The following CADPS2 variants were observed in gnomAD, a reference collection of about 807,000 sequenced individuals.
CADPS2 encodes calcium dependent secretion activator 2.
Under a neutral mutation model 172.5 loss-of-function variants are expected in CADPS2, and 93 were observed. The observed-to-expected ratio is 0.54, with a 90% CI of 0.46 to 0.64. CADPS2 has a LOEUF of 0.64. Among genes scored for constraint, CADPS2 ranks in the 30% least tolerant of loss-of-function variants. CADPS2 has a pLI of 0.00. For synonymous variants in CADPS2, 546 were observed against 555.2 expected (o/e 0.98, Z 0.23); for missense variants, 1,420 against 1,565.9 (o/e 0.91, Z 1.57).
intron 24 of CADPS2, among the ~76,000 whole-genome samples, 166 bp downstream of exon 24, chr7:122,386,860 C>T (rs2043753165): frequency 6.6e-6 from 1 of 152,042 alleles, no homozygotes; most frequent in South Asian, 2.1e-4. Context: ...GAGAAACTGA[C>T]ATGAGCAAAG....
intron 9 of CADPS2, among the ~76,000 whole-genome samples, chr7:122,498,869 T>C (rs1274824740): frequency 1.3e-5 from 2 of 152,194 alleles, no homozygotes; most frequent in African/African-American, 2.4e-5. Context: ...GTGGTGTAAA[T>C]GATCAATTTA....
chr7:122,544,615 G>C (rs1298976566), intron 8 of CADPS2, among the ~76,000 whole-genome samples: 1 of 152,152 alleles, frequency 6.6e-6, no homozygotes, highest in Non-Finnish European at 1.5e-5. Context: ...CAACTAGGCT[G>C]ATTTAGTTCT....
At chr7:122,534,949 A>AG (rs2062104584) in intron 8 of CADPS2, among the ~76,000 whole-genome samples, 1 of 152,128 alleles carries the variant, frequency 6.6e-6, no homozygotes, top group Admixed American at 6.6e-5. Context: ...AAAATAAAAA[A>AG]TGGTGACTCA....
rs538537916 is a variant in CADPS2, at chr7:122,554,076, C to G, written c.1475+474G>C. 3.9e-5 allele frequency among the ~76,000 whole-genome samples: 6 copies of G among 152,196 alleles called. No homozygotes were observed. In the South Asian group the frequency reaches 1.2e-3, roughly 32 times the overall value. On this transcript the variant is annotated intron_variant, in intron 8 of 29. Coordinates refer to ENST00000449022, the MANE Select transcript of CADPS2 (RefSeq NM_017954.11). ...AGTTTTCTCCAATATTGATTCAATT[C>G]TCACTCACATGTTTGGATCAACACT...
At chr7:122,791,531 T>A (rs535695584) in intron 1 of CADPS2, among the ~76,000 whole-genome samples, 1 of 152,244 alleles carries the variant, frequency 6.6e-6, no homozygotes, top group Non-Finnish European at 1.5e-5. Context: ...TTAACAGTAG[T>A]TTTTCAAACA....
intron 8 of CADPS2, among the ~76,000 whole-genome samples, chr7:122,544,623 T>C (rs893669965): frequency 3.3e-5 from 5 of 152,188 alleles, no homozygotes; most frequent in Non-Finnish European, 7.4e-5. Context: ...CTGATTTAGT[T>C]CTGCTTTACC....
At chr7:122,859,316 C>G (rs978261194) in intron 1 of CADPS2, among the ~76,000 whole-genome samples, 4 of 152,156 alleles carry the variant, frequency 2.6e-5, no homozygotes, top group Non-Finnish European at 5.9e-5. Context: ...AGATGACATC[C>G]TTCTAATTTT....
At chr7:122,475,405 T>C (rs1194584148) in intron 12 of CADPS2, among the ~76,000 whole-genome samples, 1 of 152,188 alleles carries the variant, frequency 6.6e-6, no homozygotes, top group Non-Finnish European at 1.5e-5. Flanking sequence ...TGAAACTCCA[T>C]TGTTCCCTAA....
At chr7:122,620,540 TA>T (rs1032025334) in intron 5 of CADPS2, among the ~76,000 whole-genome samples, 17 of 152,202 alleles carry the variant, frequency 1.1e-4, no homozygotes, top group African/African-American at 4.1e-4. Context: ...CAGAAAGCTG[TA>T]CAAAGAGTAT....
At chr7:122,603,360 G>T (rs575057558) in intron 6 of CADPS2, among the ~76,000 whole-genome samples, 1 of 151,636 alleles carries the variant, frequency 6.6e-6, no homozygotes, top group Non-Finnish European at 1.5e-5. Context: ...ACACTCAATC[G>T]TTTATTAAGT....
chr7:122,698,912 G>C, intron 2 of CADPS2: 1 of 1,575,488 alleles, frequency 6.3e-7, no homozygotes, highest in Non-Finnish European at 8.6e-7. Flanking sequence ...ACCTTGAGTA[G>C]ATGCATCTCT....
chr7:122,531,143 A>G (rs35132220), intron 8 of CADPS2, among the ~76,000 whole-genome samples: 14,343 of 152,238 alleles, frequency 0.094, 826 homozygotes, highest in African/African-American at 0.15. Context: ...CTGTACTGGT[A>G]GTTTATTATA....
rs559695998 is a variant in CADPS2 at position 122,407,443 on chromosome 7, T to C, written c.2746+97A>G. On this transcript the variant is annotated intron_variant, in intron 20 of 29. Transcript: ENST00000449022. ...CCTAAATGTTACCCATGCGAACTCT[T>C]GTCAGGCCGGTGTGAGGGCACAGTA... is the stretch of plus-strand genomic sequence containing the variant. 6.3e-4 allele frequency: 826 copies of C among 1,317,186 alleles called. 7 individuals carry two copies. The South Asian group carries it at 0.012, about 18-fold the overall frequency. The allele number at this position is 1,317,186 out of a possible 1,614,324, so 81.6% of individuals were successfully genotyped here.
chr7:122,389,985 C>T (rs1244916238), intron 22 of CADPS2, among the ~76,000 whole-genome samples: 1 of 151,974 alleles, frequency 6.6e-6, no homozygotes, highest in Non-Finnish European at 1.5e-5. Flanking sequence ...ACCTCTTGCT[C>T]TTGACTAATG....
In CADPS2 at chr7:122,461,696, G is replaced by A. The variant is rs1014641342; in HGVS notation, c.2186+9679C>T. On this transcript the variant is annotated intron_variant, in intron 14 of 29. Coordinates refer to ENST00000449022, the MANE Select transcript of CADPS2 (RefSeq NM_017954.11). ...TGCAACCTCTGCCTCTCAGGTTCCA[G>A]TGATTCTCCTGCCTCAGCCTCCCAA... Among the ~76,000 whole-genome samples the A allele has an allele frequency of 5.9e-5, 9 of 152,152 alleles. No individual in the cohort carries two copies. The East Asian group carries it at 1.5e-3, about 26-fold the overall frequency.
intron 2 of CADPS2, chr7:122,702,456 C>T (rs1320244163): frequency 1.1e-5 from 18 of 1,613,806 alleles, no homozygotes; most frequent in Non-Finnish European, 1.4e-5. Flanking sequence ...AGCCATGAGT[C>T]TGCCTGTTTG....
intron 8 of CADPS2, among the ~76,000 whole-genome samples, chr7:122,547,634 T>C (rs2063761916): frequency 6.6e-6 from 1 of 152,172 alleles, no homozygotes; most frequent in Non-Finnish European, 1.5e-5. Context: ...TCAAATTTAG[T>C]TGGGAAGCTA....
At chr7:122,533,264 T>TA (rs1041028429) in intron 8 of CADPS2, among the ~76,000 whole-genome samples, 3 of 152,078 alleles carry the variant, frequency 2.0e-5, no homozygotes, top group Admixed American at 6.6e-5. Context: ...AAGCAGTAGT[T>TA]AAAAAAATAG....
At chr7:122,512,264 T>C (rs1187889216) in intron 9 of CADPS2, among the ~76,000 whole-genome samples, 1 of 152,150 alleles carries the variant, frequency 6.6e-6, no homozygotes, top group Non-Finnish European at 1.5e-5. Context: ...ATGATCATTT[T>C]CCTTCCTTGG....
Sources: allele counts gnomAD v4.1 joint callset (sites outside exome capture counted in the v4.1 genomes callset), GRCh38; gene constraint gnomAD v4.1.1; transcripts MANE v1.5; gene names NCBI Gene and HGNC (gene_info 2026-07-23, HGNC 2026-07-21).